OPCML: variants seen among roughly 807,000 people sequenced by gnomAD.
OPCML encodes the protein opioid-binding protein/cell adhesion molecule.
A neutral mutation model predicts 37.8 loss-of-function variants in OPCML; 13 were observed. That is an observed-to-expected ratio of 0.34 (90% CI 0.22 to 0.55). The LOEUF (loss-of-function observed/expected upper bound fraction) is 0.55. Ranked by LOEUF, OPCML falls within the 20% of genes least tolerant of loss-of-function variation. The pLI is 0.91. For missense variants in OPCML, 341 were observed against 435.6 expected, an observed-to-expected ratio of 0.78 and a Z score of 1.93; for synonymous variants, 176 against 168.8, an observed-to-expected ratio of 1.04 and a Z score of -0.33.
chr11:132,478,465 T>C (rs2096165190), intron 4 of OPCML, among the ~76,000 whole-genome samples: 1 of 152,156 alleles, frequency 6.6e-6, no homozygotes, highest in Non-Finnish European at 1.5e-5. Context: ...GATAACGGGA[T>C]ACACAACACA....
At chr11:133,469,927 C>A (rs1947067275) in intron 1 of OPCML, among the ~76,000 whole-genome samples, 1 of 152,222 alleles carries the variant, frequency 6.6e-6, no homozygotes, top group South Asian at 2.1e-4. Flanking sequence ...TCACAATAAT[C>A]TCTGCCACCT....
intron 1 of OPCML, among the ~76,000 whole-genome samples, chr11:133,019,007 C>A (rs192528477): frequency 6.6e-6 from 1 of 152,340 alleles, no homozygotes. Context: ...CACCTACAAT[C>A]CTCACATTCT....
intron 1 of OPCML, among the ~76,000 whole-genome samples, chr11:132,985,132 C>T (rs1946662692): frequency 6.6e-6 from 1 of 152,156 alleles, no homozygotes; most frequent in Non-Finnish European, 1.5e-5. Flanking sequence ...CCCATGGCCT[C>T]CTGTGTTCAA....
At chr11:132,944,130 CACCCGCGCCAGCGGAGAGA>C (rs1945684860) in intron 1 of OPCML, among the ~76,000 whole-genome samples, 1 of 152,106 alleles carries the variant, frequency 6.6e-6, no homozygotes, top group African/African-American at 2.4e-5. Context: ...TCCGTCCCGA[CACCCGCGCCAGCGGAGAGA>C]ACGCGGCGCC....
At chr11:133,379,324 G>A (rs75715539) in intron 1 of OPCML, among the ~76,000 whole-genome samples, 2,200 of 152,184 alleles carry the variant, frequency 0.014, 41 homozygotes, top group African/African-American at 0.047. Flanking sequence ...ACCCCTGTGC[G>A]TCTGATCATT....
At chr11:133,058,895 C>T (rs1333265331) in intron 1 of OPCML, among the ~76,000 whole-genome samples, 1 of 152,188 alleles carries the variant, frequency 6.6e-6, no homozygotes, top group Non-Finnish European at 1.5e-5. Flanking sequence ...TGTGAAGATG[C>T]CCACAGGGAG....
At chr11:133,479,497 T>C (rs975216549) in intron 1 of OPCML, among the ~76,000 whole-genome samples, 3 of 152,220 alleles carry the variant, frequency 2.0e-5, no homozygotes, top group Admixed American at 2.0e-4. Context: ...TTGTCATTAC[T>C]GTCAGAAATG....
chr11:132,705,553 C>A (rs926071700), intron 2 of OPCML, among the ~76,000 whole-genome samples: 7 of 152,028 alleles, frequency 4.6e-5, no homozygotes, highest in Non-Finnish European at 1.5e-5. Flanking sequence ...AGATTTGCCA[C>A]TGCACACCAG....
intron 1 of OPCML, among the ~76,000 whole-genome samples, chr11:133,247,788 A>G (rs1940995620): frequency 6.6e-6 from 1 of 152,044 alleles, no homozygotes. Context: ...TTTTTAGTAG[A>G]GACGGGGTTT....
chr11:132,943,922 C>G lies in OPCML; in HGVS notation c.62-912G>C, dbSNP rs1436550310. ...CGGGAGCAGCCCCGACGCGCGCGGG[C>G]CCGGACCGCCGGGGTTGTCATGGCA... On this transcript the variant is annotated intron_variant, in intron 1 of 7. Transcript: ENST00000524381. The surrounding 1 kb of genome is among the most constrained non-coding windows in gnomAD (Gnocchi z 4.3). Among the ~76,000 whole-genome samples, 3 of 151,750 alleles carry G rather than the reference C, an allele frequency of 2.0e-5. No homozygotes were observed. The highest frequency in any genetic ancestry group is 4.4e-5 in the Non-Finnish European group (3 of 67,870).
intron 1 of OPCML, among the ~76,000 whole-genome samples, chr11:133,454,218 G>A (rs1231032682): frequency 6.6e-6 from 1 of 152,138 alleles, no homozygotes; most frequent in Non-Finnish European, 1.5e-5. Context: ...TGAAATCTGA[G>A]TTCTAAAAAT....
chr11:132,951,274 G>C (rs1408228738), intron 1 of OPCML, among the ~76,000 whole-genome samples: 1 of 152,260 alleles, frequency 6.6e-6, no homozygotes, highest in Non-Finnish European at 1.5e-5. Context: ...CACAGGAATC[G>C]GTTTTCTCAC....
At chr11:132,983,002 G>T (rs1946619107) in intron 1 of OPCML, among the ~76,000 whole-genome samples, 1 of 152,182 alleles carries the variant, frequency 6.6e-6, no homozygotes, top group Admixed American at 6.5e-5. Flanking sequence ...GCCTTAGGAA[G>T]GCTACTGATT....
intron 2 of OPCML, among the ~76,000 whole-genome samples, chr11:132,845,788 C>T (rs1327581738): frequency 1.3e-5 from 2 of 152,308 alleles, no homozygotes; most frequent in African/African-American, 2.4e-5. Context: ...TCTCTCTTCT[C>T]TGTTCCTCCC....
At chr11:132,880,627 A>C (rs1407346123) in intron 2 of OPCML, among the ~76,000 whole-genome samples, 2 of 152,242 alleles carry the variant, frequency 1.3e-5, no homozygotes, top group East Asian at 3.8e-4. Flanking sequence ...AACTCAATTA[A>C]AACGTACAAA....
chr11:133,178,543 G>C (rs1937661742), intron 1 of OPCML, among the ~76,000 whole-genome samples: 1 of 152,088 alleles, frequency 6.6e-6, no homozygotes, highest in Non-Finnish European at 1.5e-5. Flanking sequence ...GGGCTCGTTG[G>C]GGAAATAAGA....
chr11:133,005,788 C>T, intron 1 of OPCML: 1 of 984,538 alleles, frequency 1.0e-6, no homozygotes, highest in South Asian at 4.7e-5. Context: ...TGAACTCCTT[C>T]AATTAGGAGA....
chr11:132,610,442 C>T (rs7130651), intron 3 of OPCML, among the ~76,000 whole-genome samples: 31,809 of 152,104 alleles, frequency 0.21, 4,716 homozygotes, highest in African/African-American at 0.41. Flanking sequence ...TCATCACTTA[C>T]GACAAAACAC....
intron 2 of OPCML, among the ~76,000 whole-genome samples, chr11:132,673,342 T>G (rs913902108): frequency 6.6e-6 from 1 of 151,954 alleles, no homozygotes. Context: ...GAAAAATAGA[T>G]CACAGAGAGA....
Sources: gnomAD v4.1 joint callset for allele counts (sites outside exome capture counted in the v4.1 genomes callset) on GRCh38, gnomAD v4.1.1 for gene constraint, Gnocchi (gnomAD v3.1) non-coding constraint, MANE v1.5 for transcripts, NCBI Gene and HGNC (gene_info 2026-07-23, HGNC 2026-07-21) for gene names.